GPC5: variants seen among roughly 807,000 people sequenced by gnomAD.
GPC5 encodes the protein glypican 5.
GPC5 carries 47 observed loss-of-function variants against 53.9 expected under a neutral mutation model. The observed-to-expected ratio is 0.87, with a 90% CI of 0.69 to 1.11. The LOEUF (loss-of-function observed/expected upper bound fraction) is 1.11. Ranked by LOEUF, GPC5 falls within the 50% of genes most tolerant of loss-of-function variation. The probability of loss-of-function intolerance (pLI) is 0.00; values close to 1 mark genes in which losing one functional copy is unlikely to be tolerated. For missense variants in GPC5, 748 were observed against 713.1 expected (o/e 1.05, Z -0.56); for synonymous variants, 286 against 263.3 (o/e 1.09, Z -0.84).
chr13:91,751,139 C>T (rs1479512268), intron 4 of GPC5, among the ~76,000 whole-genome samples: 2 of 152,146 alleles, frequency 1.3e-5, no homozygotes, highest in Non-Finnish European at 2.9e-5. Flanking sequence ...CTGCCAAACA[C>T]AGAATATAGT....
chr13:92,387,863 C>T (rs534205706), intron 7 of GPC5, among the ~76,000 whole-genome samples: 3 of 152,040 alleles, frequency 2.0e-5, no homozygotes, highest in Admixed American at 6.6e-5. Context: ...TAAGATATTC[C>T]GTGTAAGGCA....
At chr13:91,416,822 T>G (rs547463548) in intron 1 of GPC5, among the ~76,000 whole-genome samples, 67 of 152,288 alleles carry the variant, frequency 4.4e-4, no homozygotes, top group African/African-American at 1.6e-3. Flanking sequence ...TGGTGTATGT[T>G]TGCCACATTT....
intron 6 of GPC5, among the ~76,000 whole-genome samples, chr13:92,006,681 A>G (rs556237991): frequency 2.0e-5 from 3 of 152,160 alleles, no homozygotes; most frequent in African/African-American, 7.2e-5. Context: ...TCTTACAATC[A>G]AAGATGCTTG....
At chr13:92,588,981 G>A (rs560984975) in intron 7 of GPC5, among the ~76,000 whole-genome samples, 15 of 152,292 alleles carry the variant, frequency 9.8e-5, no homozygotes, top group African/African-American at 3.4e-4. Context: ...CAAGTAATGA[G>A]AGGCTTCAGG....
At chr13:92,129,918 T>C (rs1159566897) in intron 6 of GPC5, among the ~76,000 whole-genome samples, 1 of 152,122 alleles carries the variant, frequency 6.6e-6, no homozygotes, top group African/African-American at 2.4e-5. Context: ...AGAAGAGCCG[T>C]TGGTCAAAAA....
chr13:92,366,260 G>A (rs2043606882), intron 7 of GPC5, among the ~76,000 whole-genome samples: 1 of 151,732 alleles, frequency 6.6e-6, no homozygotes, highest in Non-Finnish European at 1.5e-5. Context: ...AAAGCTTTGA[G>A]ATTATTCATT....
chr13:91,655,679 G>T (rs530328817), intron 2 of GPC5, among the ~76,000 whole-genome samples: 1 of 151,954 alleles, frequency 6.6e-6, no homozygotes, highest in Non-Finnish European at 1.5e-5. Context: ...ACACAATATC[G>T]ATAAGAATAT....
At chr13:92,840,170 G>A (rs1878389488) in intron 7 of GPC5, among the ~76,000 whole-genome samples, 1 of 142,686 alleles carries the variant, frequency 7.0e-6, no homozygotes, top group South Asian at 2.2e-4. Context: ...ATTTCACTTA[G>A]CATAATGTCC....
intron 7 of GPC5, among the ~76,000 whole-genome samples, chr13:92,717,902 C>T (rs1888383882): frequency 6.6e-6 from 1 of 151,980 alleles, no homozygotes; most frequent in African/African-American, 2.4e-5. Context: ...AGGAACTCAA[C>T]TCAATAGGAA....
chr13:91,979,100 C>A (rs2040334299), intron 6 of GPC5, among the ~76,000 whole-genome samples: 1 of 152,054 alleles, frequency 6.6e-6, no homozygotes, highest in East Asian at 1.9e-4. Flanking sequence ...AATTCTAATG[C>A]TTTTGTTATG....
chr13:92,409,127 G>A (rs950713593), intron 7 of GPC5, among the ~76,000 whole-genome samples: 7 of 151,604 alleles, frequency 4.6e-5, no homozygotes, highest in Non-Finnish European at 1.0e-4. Context: ...TAAGTCAAGA[G>A]CTAAAATTAA....
chr13:92,473,874 A>G (rs1594232113), intron 7 of GPC5, among the ~76,000 whole-genome samples: 1 of 152,148 alleles, frequency 6.6e-6, no homozygotes, highest in South Asian at 2.1e-4. Flanking sequence ...TAGTGTGTAT[A>G]TCACTTGAAC....
intron 5 of GPC5, among the ~76,000 whole-genome samples, chr13:91,764,456 A>G (rs2138672439): frequency 6.6e-6 from 1 of 152,302 alleles, no homozygotes; most frequent in East Asian, 1.9e-4. Context: ...ATCCTCTAGG[A>G]ATGCCATTTT....
intron 6 of GPC5, among the ~76,000 whole-genome samples, chr13:92,053,212 G>T (rs2041045056): frequency 6.6e-6 from 1 of 152,190 alleles, no homozygotes; most frequent in Admixed American, 6.5e-5. Context: ...ATTCAGGAAT[G>T]GTGGAAGAGG....
At chr13:92,820,631 A>G (rs1475094467) in intron 7 of GPC5, among the ~76,000 whole-genome samples, 1 of 152,076 alleles carries the variant, frequency 6.6e-6, no homozygotes, top group African/African-American at 2.4e-5. Flanking sequence ...TCCCACTTCA[A>G]ACTTGATATT....
At position 92,524,325 on chromosome 13, in the gene GPC5, A is replaced by C. The variant is rs144879311; in HGVS notation, c.1562-341957A>C. ...TCTCAAGAAACCACTTTCTTTGTTC[A>C]TCTCTAGATTCCACATAATACCTAA... On this transcript the variant is annotated intron_variant, in intron 7 of 7. Coordinates refer to ENST00000377067, the MANE Select transcript of GPC5 (RefSeq NM_004466.6). 4.7e-3 allele frequency among the ~76,000 whole-genome samples: 720 copies of C among 152,192 alleles called. 7 individuals are homozygous for C. Among genetic ancestry groups the C allele is most frequent in the African/African-American group, 0.016 (659 of 41,548 alleles).
chr13:91,416,680 C>T, intron 1 of GPC5, among the ~76,000 whole-genome samples: 1 of 152,054 alleles, frequency 6.6e-6, no homozygotes, highest in Non-Finnish European at 1.5e-5. Flanking sequence ...CAGTTCCCAC[C>T]TATGAGTGAG....
chr13:92,125,286 C>T (rs1018794754), intron 6 of GPC5, among the ~76,000 whole-genome samples: 3 of 152,134 alleles, frequency 2.0e-5, no homozygotes, highest in African/African-American at 7.2e-5. Context: ...ACAGCTAATC[C>T]ACATCTGGAT....
chr13:92,181,215 G>GA (rs961752977), intron 7 of GPC5, among the ~76,000 whole-genome samples: 1 of 150,910 alleles, frequency 6.6e-6, no homozygotes, highest in Non-Finnish European at 1.5e-5. Context: ...ACTAGAAGGA[G>GA]AAAAAAAAAT....
Sources: allele counts gnomAD v4.1 joint callset (sites outside exome capture counted in the v4.1 genomes callset), GRCh38; gene constraint gnomAD v4.1.1; transcripts MANE v1.5; gene names NCBI Gene and HGNC (gene_info 2026-07-23, HGNC 2026-07-21).